The following EPM2A variants were observed in gnomAD, a reference collection of about 807,000 sequenced individuals.
EPM2A encodes laforin.
Under a neutral mutation model 26.5 loss-of-function variants are expected in EPM2A, and 21 were observed. The observed-to-expected ratio is 0.79, with a 90% confidence interval of 0.56 to 1.14. The LOEUF (loss-of-function observed/expected upper bound fraction) is 1.14, where lower values mean the gene tolerates loss of function less well. EPM2A is among the 50% of genes most tolerant of loss of function. The pLI, the probability that EPM2A is intolerant of heterozygous loss-of-function variation, is 0.00. For missense variants in EPM2A, 458 were observed against 440.8 expected (o/e 1.04, Z -0.35); for synonymous variants, 217 against 177.6 (o/e 1.22, Z -1.76).
At chr6:145,527,935 A>T (rs1264404720) in intron 2 of EPM2A, among the ~76,000 whole-genome samples, 1 of 152,158 alleles carries the variant, frequency 6.6e-6, no homozygotes, top group African/African-American at 2.4e-5. Context: ...ACTCCAGGGA[A>T]CACGCAAATA....
chr6:145,433,982 G>A (rs541668635), intron 4 of EPM2A, among the ~76,000 whole-genome samples: 1 of 151,968 alleles, frequency 6.6e-6, no homozygotes, highest in African/African-American at 2.4e-5. Flanking sequence ...ATTAGTATTT[G>A]TTATTGCATC....
At chr6:145,635,166 A>T in intron 3 of EPM2A, 79 bp downstream of exon 3, 2 of 1,512,384 alleles carry the variant, frequency 1.3e-6, no homozygotes, top group South Asian at 2.3e-5. Context: ...TTTTTAAGAT[A>T]TTAAATTATA....
intron 4 of EPM2A, among the ~76,000 whole-genome samples, chr6:145,482,058 T>C (rs1480255962): frequency 6.6e-6 from 1 of 152,194 alleles, no homozygotes; most frequent in Non-Finnish European, 1.5e-5. Context: ...ATGTTTCTTA[T>C]TCTCTTTCTC....
chr6:145,422,897 C>G (rs1473975202), intron 4 of EPM2A, among the ~76,000 whole-genome samples: 2 of 151,836 alleles, frequency 1.3e-5, no homozygotes, highest in Non-Finnish European at 2.9e-5. Flanking sequence ...AATTTTTTTT[C>G]TAAGCCATGA....
intron 4 of EPM2A, among the ~76,000 whole-genome samples, chr6:145,429,762 A>G (rs921403392): frequency 6.6e-6 from 1 of 152,202 alleles, no homozygotes; most frequent in African/African-American, 2.4e-5. Flanking sequence ...ACATTTTCTT[A>G]CAAAATAGTT....
At chr6:145,694,748 T>C (rs1349250688) in intron 1 of EPM2A, among the ~76,000 whole-genome samples, 1 of 152,024 alleles carries the variant, frequency 6.6e-6, no homozygotes, top group Non-Finnish European at 1.5e-5. Context: ...ATATTTAATG[T>C]GAAGTTTTAT....
In EPM2A at chr6:145,735,183, G is replaced by T; in HGVS notation, c.301+15C>A. The T allele has an allele frequency of 6.7e-7, 1 of 1,488,572 alleles. No homozygotes were observed. The highest frequency in any genetic ancestry group is 9.0e-7 in the Non-Finnish European group (1 of 1,112,778). 92.2% of individuals were successfully genotyped at this position (1,488,572 alleles called of 1,614,324 possible). On this transcript the variant is annotated intron_variant, in intron 1 of 3. Coordinates refer to ENST00000367519, the MANE Select transcript of EPM2A (RefSeq NM_005670.4). ...CTCCCGCTCTGCGCCGGGGGCAGGC[G>T]TCTGCTGGCAATACCTTCCCAGGAG...
At chr6:145,442,602 G>A (rs983640523) in intron 4 of EPM2A, among the ~76,000 whole-genome samples, 2 of 152,144 alleles carry the variant, frequency 1.3e-5, no homozygotes, top group African/African-American at 4.8e-5. Flanking sequence ...TCCTTCCACA[G>A]CTCAAGGGAA....
At position 145,690,184 on chromosome 6, in the gene EPM2A, G is replaced by GA. The variant is rs1360831443; in HGVS notation, c.302-3889dup. ...CCATTCTTCTGCTGGAGTGGTGTCA[G>GA]AAGAATTCAGTTAAAATCAAAGGTT... On this transcript the variant is annotated intron_variant, in intron 1 of 3. Transcript: ENST00000367519. Among the ~76,000 whole-genome samples the GA allele has an allele frequency of 6.6e-5, 10 of 152,248 alleles. No individual in the cohort carries two copies. In the East Asian group the frequency reaches 1.9e-3, roughly 30 times the overall value.
At chr6:145,676,413 A>C (rs1354735990) in intron 2 of EPM2A, among the ~76,000 whole-genome samples, 1 of 152,196 alleles carries the variant, frequency 6.6e-6, no homozygotes, top group Non-Finnish European at 1.5e-5. Flanking sequence ...GAAGGCAAGA[A>C]GTAACTAAGA....
intron 4 of EPM2A, among the ~76,000 whole-genome samples, chr6:145,407,511 T>G (rs1012628909): frequency 5.9e-5 from 9 of 152,150 alleles, no homozygotes; most frequent in African/African-American, 2.2e-4. Context: ...TTAGTGCAAG[T>G]TCTGCACACC....
intron 4 of EPM2A, among the ~76,000 whole-genome samples, chr6:145,418,587 C>T (rs1191652397): frequency 1.3e-5 from 2 of 152,162 alleles, no homozygotes; most frequent in African/African-American, 2.4e-5. Flanking sequence ...TGGGGCCACC[C>T]GCTACCAGTT....
In EPM2A at chr6:145,577,578, A is replaced by ACC. The variant is rs34386537; in HGVS notation, c.340+57665_340+57666dup. Reference sequence around the variant, plus strand: ...TTATTAATGCTAAAGAGAAATGTAGACCCCCCCCCAATACAATAATAGTTA... The same window carrying ACC: ...TTATTAATGCTAAAGAGAAATGTAGACCCCCCCCCCCAATACAATAATAGTTA... On this transcript the variant is annotated intron_variant, in intron 2 of 3. Transcript: ENST00000450221. 1.3e-3 allele frequency among the ~76,000 whole-genome samples: 195 copies of ACC among 148,348 alleles called. 1 individual carries two copies. Among genetic ancestry groups the ACC allele is most frequent in the African/African-American group, 3.5e-3 (140 of 39,720 alleles).
chr6:145,395,095 C>A (rs189347678), intron 4 of EPM2A, among the ~76,000 whole-genome samples: 1 of 80,556 alleles, frequency 1.2e-5, no homozygotes, highest in Admixed American at 1.6e-4. Flanking sequence ...AAACAACAAC[C>A]CTTCTCACCT....
intron 4 of EPM2A, among the ~76,000 whole-genome samples, chr6:145,401,175 A>G (rs1444367612): frequency 2.7e-5 from 4 of 150,866 alleles, no homozygotes; most frequent in Admixed American, 1.3e-4. Flanking sequence ...GGTAGGGGGA[A>G]AAAAACACCT....
At chr6:145,512,938 C>T (rs1349926554) in intron 2 of EPM2A, among the ~76,000 whole-genome samples, 1 of 151,824 alleles carries the variant, frequency 6.6e-6, no homozygotes, top group Non-Finnish European at 1.5e-5. Flanking sequence ...AAGAACTAAA[C>T]ATAAGACCTG....
chr6:145,668,090 A>C (rs953859381), intron 2 of EPM2A, among the ~76,000 whole-genome samples: 1 of 150,360 alleles, frequency 6.7e-6, no homozygotes, highest in African/African-American at 2.4e-5. Context: ...GGTGCAGCGC[A>C]CCAGCATGGC....
chr6:145,389,346 T>G (rs1483230676), intron 4 of EPM2A, among the ~76,000 whole-genome samples: 1 of 151,952 alleles, frequency 6.6e-6, no homozygotes, highest in Non-Finnish European at 1.5e-5. Flanking sequence ...CCCACCACCA[T>G]GCTTGGCTAA....
chr6:145,388,179 C>A (rs950321239), intron 4 of EPM2A, among the ~76,000 whole-genome samples: 16 of 152,130 alleles, frequency 1.1e-4, no homozygotes, highest in Non-Finnish European at 1.6e-4. Context: ...ATTTGATATA[C>A]TGTTCTCTTT....
Sources: allele counts gnomAD v4.1 joint callset (sites outside exome capture counted in the v4.1 genomes callset), GRCh38; gene constraint gnomAD v4.1.1; transcripts MANE v1.5; gene names NCBI Gene and HGNC (gene_info 2026-07-23, HGNC 2026-07-21).